Variants in TCEA1 observed in about 807,000 individuals in gnomAD.
The protein encoded by TCEA1 is transcription elongation factor A1, also known as transcription elongation factor A protein 1.
Under a neutral mutation model 43.8 loss-of-function variants are expected in TCEA1, and 21 were observed. That is an observed-to-expected ratio of 0.48 (90% CI 0.34 to 0.69). The LOEUF (loss-of-function observed/expected upper bound fraction) is 0.69. Ranked by LOEUF, TCEA1 falls within the 30% of genes least tolerant of loss-of-function variation. The pLI is 0.01. For synonymous variants in TCEA1, 104 were observed against 117.5 expected (o/e 0.88, Z 0.75); for missense variants, 250 against 365.1 (o/e 0.68, Z 2.57).
chr8:53,994,926 G>A (rs1177006877), intron 3 of TCEA1, among the ~76,000 whole-genome samples: 1 of 151,726 alleles, frequency 6.6e-6, no homozygotes, highest in Non-Finnish European at 1.5e-5. Flanking sequence ...ATAAAAATAG[G>A]TTGAGTCAGT....
chr8:53,979,543 T>C (rs948601326), intron 7 of TCEA1, among the ~76,000 whole-genome samples: 16 of 152,224 alleles, frequency 1.1e-4, no homozygotes, highest in African/African-American at 3.9e-4. Flanking sequence ...GGAAGGAATT[T>C]AGTTTAACTT....
chr8:54,003,000 G>A, intron 2 of TCEA1: 1 of 456,236 alleles, frequency 2.2e-6, no homozygotes, highest in South Asian at 1.5e-5. Context: ...AACATCACAG[G>A]AAACAAGCAG....
chr8:53,975,307 T>C lies in TCEA1; in HGVS notation c.825+3718A>G, dbSNP rs576612929. Among the ~76,000 whole-genome samples, 13 of 152,346 alleles carry C rather than the reference T, an allele frequency of 8.5e-5. No individual in the cohort carries two copies. In the East Asian group the frequency reaches 1.5e-3, roughly 18 times the overall value. On this transcript the variant is annotated intron_variant, in intron 8 of 9. Coordinates refer to ENST00000521604, the MANE Select transcript of TCEA1 (RefSeq NM_006756.4). The stretch of plus-strand genomic sequence containing the variant: ...TTGTTCTCTTTGGAAGGCAGCTTAA[T>C]GGATGACTTAAATTTATTACTCATA...
At chr8:53,969,221 C>T (rs547101464) in intron 9 of TCEA1, among the ~76,000 whole-genome samples, 115 of 152,156 alleles carry the variant, frequency 7.6e-4, no homozygotes, top group East Asian at 3.9e-4. Context: ...ACCTGGGAGG[C>T]GAAGGTTGCA....
chr8:53,971,316 A>G (rs1227130570), intron 8 of TCEA1: 3 of 152,380 alleles, frequency 2.0e-5, no homozygotes, highest in Non-Finnish European at 4.4e-5. Flanking sequence ...AAAAGAATCA[A>G]AAAGTCAAAA....
intron 8 of TCEA1, chr8:53,973,257 T>C (rs759726641): frequency 4.2e-6 from 2 of 479,960 alleles, no homozygotes; most frequent in Admixed American, 3.2e-5. Context: ...GAAAATGATA[T>C]GGAAATGGAA....
At chr8:53,977,024 A>G (rs1803353360) in intron 8 of TCEA1, among the ~76,000 whole-genome samples, 1 of 152,248 alleles carries the variant, frequency 6.6e-6, no homozygotes, top group Non-Finnish European at 1.5e-5. Flanking sequence ...TGTGTTTAGA[A>G]AAAGGAAAAC....
At chr8:53,973,534 A>T in intron 8 of TCEA1, 2 of 518,134 alleles carry the variant, frequency 3.9e-6, no homozygotes, top group Non-Finnish European at 3.7e-6. Context: ...GCACATCTCC[A>T]GAAGAAGAAA....
Position 53,993,989 on chromosome 8 carries a change from C to T in TCEA1, c.233-234G>A, listed in dbSNP as rs28431894. Among the ~76,000 whole-genome samples, 9,778 of 152,168 alleles carry T rather than the reference C, an allele frequency of 0.064. 694 individuals carry two copies. Among genetic ancestry groups the T allele is most frequent in the African/African-American group, 0.18 (7,457 of 41,484 alleles). On this transcript the variant is annotated intron_variant, in intron 3 of 9. Transcript: ENST00000521604. ...CTACAAATTCACATGCCATGGGAAC[C>T]TAAAGGGAGGAAAGTATATGGAACA...
At chr8:53,997,685 GC>G (rs1804105033) in intron 3 of TCEA1, among the ~76,000 whole-genome samples, 1 of 152,196 alleles carries the variant, frequency 6.6e-6, no homozygotes, top group Non-Finnish European at 1.5e-5. Context: ...GATCGCTTGA[GC>G]CCAAGAGTCC....
At chr8:54,004,215 A>G (rs1328596122) in intron 2 of TCEA1, among the ~76,000 whole-genome samples, 1 of 152,188 alleles carries the variant, frequency 6.6e-6, no homozygotes, top group African/African-American at 2.4e-5. Context: ...GGCTGGAGAA[A>G]AGAGTCTGGC....
intron 3 of TCEA1, among the ~76,000 whole-genome samples, chr8:53,997,468 T>TAG (rs1366526793): frequency 2.0e-5 from 3 of 152,166 alleles, no homozygotes; most frequent in Non-Finnish European, 4.4e-5. Flanking sequence ...ATTCTCAAAA[T>TAG]TACTATCAAT....
chr8:53,998,098 T>C (rs1350775010), intron 3 of TCEA1, among the ~76,000 whole-genome samples: 1 of 152,210 alleles, frequency 6.6e-6, no homozygotes, highest in Non-Finnish European at 1.5e-5. Context: ...AAAAATCTGA[T>C]TTGCATGAAA....
At chr8:53,971,753 A>G in intron 8 of TCEA1, 1 of 229,756 alleles carries the variant, frequency 4.4e-6, no homozygotes, top group East Asian at 1.5e-4. Flanking sequence ...CAATGAATCA[A>G]AAGAAAATAC....
At chr8:53,996,477 G>C (rs1478748685) in intron 3 of TCEA1, among the ~76,000 whole-genome samples, 1 of 152,190 alleles carries the variant, frequency 6.6e-6, no homozygotes, top group Non-Finnish European at 1.5e-5. Flanking sequence ...GTCAATGCTT[G>C]GCACATCTTA....
rs1804198523 is a variant in TCEA1, at chr8:53,999,862, A to G, written c.232+83T>C. The G allele has an allele frequency of 5.1e-6, 5 of 985,780 alleles. No individual in the cohort carries two copies. The South Asian group carries it at 7.1e-5, about 14-fold the overall frequency. 61.1% of individuals were successfully genotyped at this position (985,780 alleles called of 1,614,324 possible). A position where few individuals can be genotyped will look rare whatever the true frequency, so the allele number is the denominator to read the frequency against. ...GATTCACTAAGAAAAAAATGTAACC[A>G]TTAACTAACCATAAAATGTAACCAT... is the stretch of plus-strand genomic sequence containing the variant. On this transcript the variant is annotated intron_variant, in intron 3 of 9. Transcript: ENST00000521604.
intron 6 of TCEA1, among the ~76,000 whole-genome samples, chr8:53,986,088 A>G (rs1018712858): frequency 3.9e-5 from 6 of 152,262 alleles, no homozygotes; most frequent in Non-Finnish European, 7.3e-5. Context: ...AAATTAAGCT[A>G]GCAGATTACT....
chr8:54,017,844 C>A (rs1348400678), intron 1 of TCEA1, among the ~76,000 whole-genome samples: 1 of 152,046 alleles, frequency 6.6e-6, no homozygotes, highest in African/African-American at 2.4e-5. Context: ...TGCTTAAACC[C>A]AGGAGGCGGA....
intron 3 of TCEA1, 71 bp from the exon 4 acceptor site, chr8:53,993,826 G>T: frequency 8.2e-7 from 1 of 1,219,654 alleles, no homozygotes; most frequent in Non-Finnish European, 1.2e-6. Flanking sequence ...GCGTTAACAG[G>T]CTATTTGCAC....
Sources: allele counts gnomAD v4.1 joint callset (sites outside exome capture counted in the v4.1 genomes callset), GRCh38; gene constraint gnomAD v4.1.1; transcripts MANE v1.5; gene names NCBI Gene and HGNC (gene_info 2026-07-23, HGNC 2026-07-21).